LIFR: variants seen among roughly 807,000 people sequenced by gnomAD.
The protein encoded by LIFR is leukemia inhibitory factor receptor.
A neutral mutation model predicts 122.2 loss-of-function variants in LIFR; 84 were observed. The observed-to-expected ratio is 0.69, with a 90% CI of 0.58 to 0.82. The LOEUF is 0.82. LIFR is among the 40% of genes least tolerant of loss of function. The pLI is 0.00. For missense variants in LIFR, 1,294 were observed against 1,311.6 expected (o/e 0.99, Z 0.21); for synonymous variants, 422 against 434.7 (o/e 0.97, Z 0.36).
chr5:38,518,981 T>G (rs1429835622), intron 5 of LIFR, among the ~76,000 whole-genome samples: 1 of 152,220 alleles, frequency 6.6e-6, no homozygotes, highest in African/African-American at 2.4e-5. Context: ...AGAAAAATAA[T>G]TTTTAAAAAT....
At chr5:38,543,767 GTTAA>G (rs1482062844) in intron 1 of LIFR, among the ~76,000 whole-genome samples, 12 of 152,216 alleles carry the variant, frequency 7.9e-5, no homozygotes, top group African/African-American at 2.6e-4. Flanking sequence ...TCTCAATCAT[GTTAA>G]TTAAAATCTA....
At chr5:38,598,419 G>C (rs1046965344), upstream of LIFR, among the ~76,000 whole-genome samples, 28 of 150,880 alleles carry the variant, frequency 1.9e-4, no homozygotes, top group African/African-American at 6.6e-4. Flanking sequence ...GCTAATTTTT[G>C]TATTTTTGTA....
chr5:38,560,162 A>G (rs564243454), upstream of LIFR, among the ~76,000 whole-genome samples: 1 of 151,978 alleles, frequency 6.6e-6, no homozygotes, highest in Non-Finnish European at 1.5e-5. Context: ...CCTGGAATAA[A>G]TTTTGGAAGC....
At chr5:38,565,586 AT>A (rs1223940813) in intron 1 of LIFR, among the ~76,000 whole-genome samples, 5,280 of 134,840 alleles carry the variant, frequency 0.039, 152 homozygotes, top group African/African-American at 0.089. Context: ...ATGATTGTTG[AT>A]TTTTTTTTTT....
intron 6 of LIFR, among the ~76,000 whole-genome samples, chr5:38,511,091 C>A (rs1434993676): frequency 6.6e-6 from 1 of 152,132 alleles, no homozygotes; most frequent in African/African-American, 2.4e-5. Flanking sequence ...TCCACACCCC[C>A]CAAAAATCAC....
At chr5:38,506,971 T>A (rs1040671817) in intron 7 of LIFR, among the ~76,000 whole-genome samples, 2 of 152,188 alleles carry the variant, frequency 1.3e-5, no homozygotes, top group Non-Finnish European at 2.9e-5. Context: ...TAATATGTTG[T>A]CAGAGAAATC....
chr5:38,547,836 G>T (rs1009282572), intron 1 of LIFR, among the ~76,000 whole-genome samples: 9 of 152,066 alleles, frequency 5.9e-5, no homozygotes, highest in African/African-American at 2.2e-4. Context: ...TGGTATAATA[G>T]CCTATTGCTC....
At chr5:38,562,235 T>G (rs1748865999) in intron 1 of LIFR, among the ~76,000 whole-genome samples, 1 of 152,218 alleles carries the variant, frequency 6.6e-6, no homozygotes. Flanking sequence ...TTAAGGAATC[T>G]TATTGTTTCC....
At chr5:38,596,137 A>G (rs561746153), upstream of LIFR, among the ~76,000 whole-genome samples, 1 of 152,300 alleles carries the variant, frequency 6.6e-6, no homozygotes, top group South Asian at 2.1e-4. Context: ...CCTCTTTAGA[A>G]TAAGACTGGA....
chr5:38,531,627 TA>T (rs1420091635), intron 1 of LIFR, among the ~76,000 whole-genome samples: 1 of 151,776 alleles, frequency 6.6e-6, no homozygotes, highest in African/African-American at 2.4e-5. Flanking sequence ...TGTCTGATAT[TA>T]AAATTAAAAT....
At chr5:38,563,372 G>C (rs1465088974) in intron 1 of LIFR, among the ~76,000 whole-genome samples, 1 of 152,114 alleles carries the variant, frequency 6.6e-6, no homozygotes, top group Non-Finnish European at 1.5e-5. Flanking sequence ...AAACATAGCT[G>C]TGCAGGTGAC....
intron 12 of LIFR, among the ~76,000 whole-genome samples, chr5:38,499,140 A>C (rs893634707): frequency 2.0e-5 from 3 of 152,238 alleles, no homozygotes; most frequent in Non-Finnish European, 4.4e-5. Flanking sequence ...GAAGGGAAAT[A>C]AATTACACAT....
At chr5:38,514,494 TAC>T (rs1441361043) in intron 5 of LIFR, among the ~76,000 whole-genome samples, 1 of 152,244 alleles carries the variant, frequency 6.6e-6, no homozygotes, top group African/African-American at 2.4e-5. Flanking sequence ...GTAAGCATTT[TAC>T]ACTCTGCCCA....
chr5:38,504,557 A>G lies in LIFR; in HGVS notation c.1292-436T>C, dbSNP rs1745359374. On this transcript the variant is annotated intron_variant, in intron 9 of 19. Transcript: ENST00000453190. ...AGTCTTACAGTGAAGATGGAACTTA[A>G]GATGAGCTATGCAGGAAGAATCAGA... is the stretch of plus-strand genomic sequence containing the variant. Among the ~76,000 whole-genome samples, 4 of 152,368 alleles carry G rather than the reference A, an allele frequency of 2.6e-5. No individual in the cohort carries two copies. The South Asian group carries it at 8.3e-4, about 32-fold the overall frequency.
chr5:38,590,649 G>A (rs182894825), intron 1 of LIFR, among the ~76,000 whole-genome samples: 1 of 152,234 alleles, frequency 6.6e-6, no homozygotes, highest in African/African-American at 2.4e-5. Flanking sequence ...AAATTCATTA[G>A]CATGTATTGA....
chr5:38,506,177 T>G (rs1301724840), intron 8 of LIFR, 103 bp from the exon 9 acceptor site: 9 of 764,558 alleles, frequency 1.2e-5, no homozygotes, highest in Non-Finnish European at 1.7e-5. Context: ...AGTTTAAATT[T>G]CTAATTAGAA....
chr5:38,584,478 G>T (rs1749683854), intron 1 of LIFR, among the ~76,000 whole-genome samples: 1 of 151,866 alleles, frequency 6.6e-6, no homozygotes, highest in Non-Finnish European at 1.5e-5. Flanking sequence ...AGAAAATGTG[G>T]TATATATGCA....
intron 1 of LIFR, among the ~76,000 whole-genome samples, chr5:38,535,501 T>C (rs1747250132): frequency 6.6e-6 from 1 of 152,208 alleles, no homozygotes; most frequent in Non-Finnish European, 1.5e-5. Context: ...AACCTATGAC[T>C]ACTTTCCCAT....
intron 5 of LIFR, among the ~76,000 whole-genome samples, chr5:38,517,585 C>T (rs13156794): frequency 5.3e-5 from 8 of 151,710 alleles, no homozygotes; most frequent in Admixed American, 6.6e-5. Flanking sequence ...AGGCTGGGCG[C>T]GGTGGCTCAT....
Sources: gnomAD v4.1 joint callset for allele counts (sites outside exome capture counted in the v4.1 genomes callset) on GRCh38, gnomAD v4.1.1 for gene constraint, MANE v1.5 for transcripts, NCBI Gene and HGNC (gene_info 2026-07-23, HGNC 2026-07-21) for gene names.